The following CDH8 variants were observed in gnomAD, a reference collection of about 807,000 sequenced individuals.
The protein encoded by CDH8 is cadherin 8.
In CDH8, 17 loss-of-function variants were observed where a neutral mutation model predicts 68.1. The ratio of observed to expected loss-of-function variants is 0.25; its 90% CI spans 0.17 to 0.37. CDH8 has a LOEUF of 0.37. Ranked by LOEUF, CDH8 falls within the 10% of genes least tolerant of loss-of-function variation. CDH8 has a pLI of 1.00. For synonymous variants in CDH8, 372 were observed against 365.1 expected (o/e 1.02, Z -0.21); for missense variants, 763 against 999.3 (o/e 0.76, Z 3.19).
At chr16:62,026,124 G>A (rs1395664948) in intron 1 of CDH8, among the ~76,000 whole-genome samples, 1 of 152,046 alleles carries the variant, frequency 6.6e-6, no homozygotes, top group African/African-American at 2.4e-5. Flanking sequence ...GATTTTCCTG[G>A]TATAAATACT....
intron 8 of CDH8, among the ~76,000 whole-genome samples, chr16:61,768,314 T>TTCTCTCTCCCTCTCTCTC (rs1960652201): frequency 5.8e-5 from 1 of 17,196 alleles, no homozygotes; most frequent in African/African-American, 2.1e-4. Context: ...GTCTCTCCCT[T>TTCTCTCTCCCTCTCTCTC]TCTCTCTCTC....
At chr16:61,943,231 T>C (rs1964751960) in intron 2 of CDH8, among the ~76,000 whole-genome samples, 2 of 152,196 alleles carry the variant, frequency 1.3e-5, no homozygotes, top group South Asian at 4.1e-4. Flanking sequence ...TTCATGAAAG[T>C]AGAGGCCTTA....
intron 2 of CDH8, among the ~76,000 whole-genome samples, chr16:61,954,547 A>G (rs1964953285): frequency 7.1e-6 from 1 of 141,594 alleles, no homozygotes; most frequent in Admixed American, 6.7e-5. Flanking sequence ...TAAAAATACA[A>G]AAAAATTAGC....
intron 10 of CDH8, among the ~76,000 whole-genome samples, chr16:61,679,428 G>A (rs1405151598): frequency 6.6e-6 from 1 of 151,860 alleles, no homozygotes; most frequent in Non-Finnish European, 1.5e-5. Flanking sequence ...TTTTTTGAAT[G>A]CATTTCTGGG....
chr16:61,665,281 T>C (rs569373806), intron 10 of CDH8, among the ~76,000 whole-genome samples: 1 of 151,602 alleles, frequency 6.6e-6, no homozygotes, highest in Non-Finnish European at 1.5e-5. Flanking sequence ...ACACTTACAG[T>C]CCATGAAAAA....
intron 7 of CDH8, among the ~76,000 whole-genome samples, chr16:61,798,291 G>A (rs899889841): frequency 2.0e-5 from 3 of 152,106 alleles, no homozygotes; most frequent in South Asian, 2.1e-4. Flanking sequence ...CCTTAGTGCC[G>A]AGTATCATAA....
intron 2 of CDH8, among the ~76,000 whole-genome samples, chr16:61,971,314 G>C (rs1446130279): frequency 6.6e-6 from 1 of 152,072 alleles, no homozygotes; most frequent in African/African-American, 2.4e-5. Context: ...TCCCCAGGCT[G>C]TTTTATCTGT....
chr16:61,678,688 C>T (rs1963960019), intron 10 of CDH8, among the ~76,000 whole-genome samples: 2 of 151,962 alleles, frequency 1.3e-5, no homozygotes, highest in Non-Finnish European at 2.9e-5. Context: ...TACTACAAGG[C>T]TACAGTAACA....
chr16:61,960,015 T>TATATATATATATATACAC (rs1198530274), intron 2 of CDH8, among the ~76,000 whole-genome samples: 2 of 73,234 alleles, frequency 2.7e-5, no homozygotes, highest in Admixed American at 1.2e-4. Context: ...TATATATATA[T>TATATATATATATATACAC]ACACACATAC....
intron 7 of CDH8, among the ~76,000 whole-genome samples, chr16:61,801,113 A>G (rs1233879230): frequency 6.6e-6 from 1 of 152,198 alleles, no homozygotes; most frequent in Non-Finnish European, 1.5e-5. Flanking sequence ...TCAGAAAAAA[A>G]AAAGCTGATT....
chr16:61,929,655 G>A (rs1465678887), intron 2 of CDH8, among the ~76,000 whole-genome samples: 2 of 152,162 alleles, frequency 1.3e-5, no homozygotes, highest in Admixed American at 1.3e-4. Flanking sequence ...GGGAAGCCAA[G>A]ATGGCAGTAT....
At chr16:61,783,896 T>A (rs1187267618) in intron 8 of CDH8, among the ~76,000 whole-genome samples, 7 of 152,206 alleles carry the variant, frequency 4.6e-5, no homozygotes, top group African/African-American at 1.7e-4. Flanking sequence ...TGACAGATTT[T>A]GTCACCACCA....
At chr16:61,750,839 A>G (rs945000733) in intron 8 of CDH8, among the ~76,000 whole-genome samples, 2 of 152,102 alleles carry the variant, frequency 1.3e-5, no homozygotes, top group African/African-American at 2.4e-5. Context: ...GATTTTTTTC[A>G]TAGCTATATG....
intron 8 of CDH8, among the ~76,000 whole-genome samples, chr16:61,755,500 C>T (rs908037343): frequency 2.6e-5 from 4 of 151,708 alleles, no homozygotes; most frequent in African/African-American, 9.7e-5. Context: ...TTAAATATTT[C>T]AAAATAGTAG....
rs542038597 is a variant in CDH8 at position 61,797,342 on chromosome 16, G to A, written c.1278-7860C>T. 4.6e-5 allele frequency among the ~76,000 whole-genome samples: 7 copies of A among 152,108 alleles called. No individual in the cohort carries two copies. In the South Asian group the frequency reaches 1.2e-3, roughly 27 times the overall value. On this transcript the variant is annotated intron_variant, in intron 7 of 11. Transcript: ENST00000577390. ...TTCATTTTTACTCCCTGTGACTCCAGTACAACACGAACAAACTGCAATTAA... is the reference window on the plus strand; with the variant it reads ...TTCATTTTTACTCCCTGTGACTCCAATACAACACGAACAAACTGCAATTAA...
At chr16:62,003,865 T>C (rs551398692) in intron 2 of CDH8, among the ~76,000 whole-genome samples, 34 of 152,356 alleles carry the variant, frequency 2.2e-4, no homozygotes, top group African/African-American at 6.7e-4. Context: ...AAGTACCAAT[T>C]AAAGATATAC....
chr16:61,845,844 A>T (rs1962795870), intron 4 of CDH8, among the ~76,000 whole-genome samples: 1 of 152,110 alleles, frequency 6.6e-6, no homozygotes, highest in Non-Finnish European at 1.5e-5. Flanking sequence ...ACATAATACC[A>T]GACCCATAGG....
chr16:61,735,512 A>C (rs1279965572), intron 8 of CDH8, among the ~76,000 whole-genome samples: 2 of 150,212 alleles, frequency 1.3e-5, no homozygotes, highest in Admixed American at 6.7e-5. Flanking sequence ...TTACCTTATT[A>C]TTCTTCTATT....
intron 8 of CDH8, among the ~76,000 whole-genome samples, chr16:61,745,862 T>A (rs1225478228): frequency 3.9e-5 from 6 of 152,200 alleles, no homozygotes; most frequent in South Asian, 2.1e-4. Flanking sequence ...GCAGGCCCAC[T>A]CCTCTTTGGC....
Sources: gnomAD v4.1 joint callset for allele counts (sites outside exome capture counted in the v4.1 genomes callset) on GRCh38, gnomAD v4.1.1 for gene constraint, MANE v1.5 for transcripts, NCBI Gene and HGNC (gene_info 2026-07-23, HGNC 2026-07-21) for gene names.